The following CNTNAP2 variants were observed in gnomAD, a reference collection of about 807,000 sequenced individuals.
CNTNAP2 encodes contactin-associated protein-like 2.
Under a neutral mutation model 155.2 loss-of-function variants are expected in CNTNAP2, and 98 were observed. The ratio of observed to expected loss-of-function variants is 0.63; its 90% CI spans 0.54 to 0.75. The LOEUF (loss-of-function observed/expected upper bound fraction) is 0.75. CNTNAP2 is among the 30% of genes least tolerant of loss of function. The pLI is 0.00. For synonymous variants in CNTNAP2, 651 were observed against 631.2 expected, an observed-to-expected ratio of 1.03 and a Z score of -0.47; for missense variants, 1,727 against 1,688.1, an observed-to-expected ratio of 1.02 and a Z score of -0.40.
At chr7:148,108,969 A>G (rs893539248) in intron 15 of CNTNAP2, among the ~76,000 whole-genome samples, 2 of 152,178 alleles carry the variant, frequency 1.3e-5, no homozygotes, top group Non-Finnish European at 2.9e-5. Context: ...TACATTGTCA[A>G]TTTATGATTT....
At chr7:147,468,376 A>G (rs1282606127) in intron 10 of CNTNAP2, among the ~76,000 whole-genome samples, 1 of 152,170 alleles carries the variant, frequency 6.6e-6, no homozygotes, top group African/African-American at 2.4e-5. Flanking sequence ...TTACTTGTAT[A>G]TTGATTAACT....
intron 14 of CNTNAP2, among the ~76,000 whole-genome samples, chr7:147,962,807 T>C (rs1424082305): frequency 1.3e-5 from 2 of 152,174 alleles, no homozygotes; most frequent in East Asian, 3.8e-4. Flanking sequence ...AAATTAACAA[T>C]AAGTTAGGGA....
intron 1 of CNTNAP2, among the ~76,000 whole-genome samples, chr7:146,272,292 G>A (rs7808182): frequency 0.019 from 2,935 of 152,218 alleles, 113 homozygotes; most frequent in African/African-American, 0.067. Flanking sequence ...GAGAACAGGA[G>A]CATGGAGGTA....
chr7:147,723,921 A>G (rs879826356), intron 13 of CNTNAP2, among the ~76,000 whole-genome samples: 11 of 151,940 alleles, frequency 7.2e-5, no homozygotes, highest in Admixed American at 6.6e-4. Flanking sequence ...AATTCTTTGT[A>G]TAGTTTCAAG....
intron 16 of CNTNAP2, among the ~76,000 whole-genome samples, chr7:148,126,430 G>A (rs1804716624): frequency 1.3e-5 from 2 of 152,182 alleles, no homozygotes; most frequent in South Asian, 4.1e-4. Flanking sequence ...CGACTGAGGT[G>A]CTGGCGATCC....
intron 9 of CNTNAP2, among the ~76,000 whole-genome samples, chr7:147,372,841 C>T (rs754483856): frequency 1.1e-4 from 16 of 152,000 alleles, no homozygotes; most frequent in Non-Finnish European, 2.1e-4. Flanking sequence ...AGTGATGGCC[C>T]AGCCAATGGA....
At chr7:146,226,347 TC>T (rs1471394872) in intron 1 of CNTNAP2, among the ~76,000 whole-genome samples, 1 of 152,154 alleles carries the variant, frequency 6.6e-6, no homozygotes, top group African/African-American at 2.4e-5. Flanking sequence ...CTTCATTACA[TC>T]TGCAAAATTT....
intron 1 of CNTNAP2, among the ~76,000 whole-genome samples, chr7:146,340,954 A>G (rs1801372427): frequency 6.6e-6 from 1 of 152,184 alleles, no homozygotes; most frequent in African/African-American, 2.4e-5. Context: ...TGTAGTGACA[A>G]GAAGAAAATA....
At chr7:147,255,201 G>C (rs1804293945) in intron 8 of CNTNAP2, among the ~76,000 whole-genome samples, 1 of 151,996 alleles carries the variant, frequency 6.6e-6, no homozygotes, top group Non-Finnish European at 1.5e-5. Flanking sequence ...ACCTATCAAT[G>C]CTGTATTGGT....
At chr7:146,604,272 C>T (rs1216624829) in intron 1 of CNTNAP2, among the ~76,000 whole-genome samples, 1 of 74,426 alleles carries the variant, frequency 1.3e-5, no homozygotes, top group Non-Finnish European at 2.4e-5. Context: ...AGGACATGAA[C>T]AGACACTTCT....
intron 5 of CNTNAP2, among the ~76,000 whole-genome samples, chr7:147,111,161 C>G (rs1300567980): frequency 6.6e-6 from 1 of 152,124 alleles, no homozygotes; most frequent in Non-Finnish European, 1.5e-5. Flanking sequence ...TTGTTGGCCA[C>G]ATGTATATCT....
chr7:147,197,440 C>T (rs758290469), intron 8 of CNTNAP2, among the ~76,000 whole-genome samples: 69 of 145,576 alleles, frequency 4.7e-4, no homozygotes, highest in Admixed American at 7.7e-4. Context: ...TTGTTCAAAA[C>T]GCCAAGAACC....
intron 12 of CNTNAP2, among the ~76,000 whole-genome samples, chr7:147,625,801 A>G (rs1005957336): frequency 1.3e-5 from 2 of 152,192 alleles, no homozygotes; most frequent in Non-Finnish European, 2.9e-5. Context: ...TACAAATTTC[A>G]TGAAACAGGT....
chr7:146,594,095 T>G (rs527322821), intron 1 of CNTNAP2, among the ~76,000 whole-genome samples: 1 of 152,290 alleles, frequency 6.6e-6, no homozygotes, highest in East Asian at 1.9e-4. Context: ...CTAATGTTTC[T>G]TCTAAGTAAT....
intron 21 of CNTNAP2, among the ~76,000 whole-genome samples, chr7:148,379,735 C>T (rs757954997): frequency 3.0e-4 from 45 of 152,210 alleles, no homozygotes; most frequent in Non-Finnish European, 6.2e-4. Flanking sequence ...AAATAAATCC[C>T]TGTCCAAATA....
intron 3 of CNTNAP2, among the ~76,000 whole-genome samples, chr7:146,907,619 C>T (rs972429390): frequency 2.0e-5 from 3 of 149,868 alleles, no homozygotes; most frequent in African/African-American, 7.4e-5. Context: ...TTGTCACCAC[C>T]AAGCCTGCCC....
At chr7:146,142,006 T>C (rs1797887846) in intron 1 of CNTNAP2, among the ~76,000 whole-genome samples, 1 of 152,214 alleles carries the variant, frequency 6.6e-6, no homozygotes, top group African/African-American at 2.4e-5. Flanking sequence ...CTATGACTTC[T>C]GCTGTTTTTT....
At chr7:146,234,565 A>T (rs1799440210) in intron 1 of CNTNAP2, among the ~76,000 whole-genome samples, 1 of 150,888 alleles carries the variant, frequency 6.6e-6, no homozygotes. Context: ...GGTAATGCCT[A>T]GGTTTTCTTC....
chr7:146,888,951 C>T (rs1585140468), intron 3 of CNTNAP2, among the ~76,000 whole-genome samples: 1 of 152,128 alleles, frequency 6.6e-6, no homozygotes, highest in African/African-American at 2.4e-5. Context: ...AATGATACTA[C>T]GTTGCATATT....
Sources: gnomAD v4.1 joint callset for allele counts (sites outside exome capture counted in the v4.1 genomes callset) on GRCh38, gnomAD v4.1.1 for gene constraint, MANE v1.5 for transcripts, NCBI Gene and HGNC (gene_info 2026-07-23, HGNC 2026-07-21) for gene names.